CACNA1C: variants seen among roughly 807,000 people sequenced by gnomAD.
CACNA1C encodes calcium voltage-gated channel subunit alpha1 C, also known as voltage-dependent L-type calcium channel subunit alpha-1C.
Under a neutral mutation model 229.0 loss-of-function variants are expected in CACNA1C, and 30 were observed. The observed-to-expected ratio is 0.13, with a 90% CI of 0.10 to 0.18. The LOEUF (loss-of-function observed/expected upper bound fraction) is 0.18, where lower values mean the gene tolerates loss of function less well. Among genes scored for constraint, CACNA1C ranks in the 10% least tolerant of loss-of-function variants. The probability of loss-of-function intolerance (pLI) is 1.00; values close to 1 mark genes in which losing one functional copy is unlikely to be tolerated. For synonymous variants in CACNA1C, 1,114 were observed against 1,132.5 expected (o/e 0.98, Z 0.33); for missense variants, 1,658 against 2,845.0 (o/e 0.58, Z 9.49).
At chr12:2,229,892 C>T (rs1171992386) in intron 3 of CACNA1C, among the ~76,000 whole-genome samples, 1 of 152,128 alleles carries the variant, frequency 6.6e-6, no homozygotes, top group Non-Finnish European at 1.5e-5. Flanking sequence ...CGGAAGGAGG[C>T]CAGAGCCATT....
intron 9 of CACNA1C, among the ~76,000 whole-genome samples, chr12:2,534,164 G>T (rs575291396): frequency 2.0e-5 from 3 of 152,128 alleles, no homozygotes; most frequent in Non-Finnish European, 4.4e-5. Flanking sequence ...CAGGCGCACA[G>T]CTCCCAGCAA....
intron 3 of CACNA1C, among the ~76,000 whole-genome samples, chr12:2,281,985 C>T (rs2091424492): frequency 6.6e-6 from 1 of 151,780 alleles, no homozygotes; most frequent in Non-Finnish European, 1.5e-5. Context: ...TTTCTATGTC[C>T]TTCATTTTGG....
intron 1 of CACNA1C, among the ~76,000 whole-genome samples, chr12:1,979,534 A>T (rs1304758633): frequency 6.6e-6 from 1 of 150,900 alleles, no homozygotes; most frequent in Non-Finnish European, 1.5e-5. Context: ...CTCGTCTCGA[A>T]CTCCTGACCT....
intron 11 of CACNA1C, among the ~76,000 whole-genome samples, chr12:2,561,331 C>T (rs2047379553): frequency 6.6e-6 from 1 of 152,220 alleles, no homozygotes; most frequent in Admixed American, 6.5e-5. Flanking sequence ...GGTGGACCCG[C>T]CCAGCACTCA....
At chr12:2,270,738 A>G (rs975529565) in intron 3 of CACNA1C, among the ~76,000 whole-genome samples, 10 of 152,200 alleles carry the variant, frequency 6.6e-5, no homozygotes, top group African/African-American at 9.7e-5. Flanking sequence ...GTGGTCCTCA[A>G]ATGTCACCTC....
chr12:2,327,102 G>C (rs1215105846), intron 3 of CACNA1C, among the ~76,000 whole-genome samples: 1 of 152,210 alleles, frequency 6.6e-6, no homozygotes, highest in African/African-American at 2.4e-5. Context: ...GAAGCATCTG[G>C]TGTCCACAGA....
chr12:2,170,274 A>G (rs1368566466), intron 3 of CACNA1C, among the ~76,000 whole-genome samples: 1 of 152,136 alleles, frequency 6.6e-6, no homozygotes, highest in African/African-American at 2.4e-5. Flanking sequence ...TGGCTTTGGC[A>G]TGATCAGGGT....
intron 1 of CACNA1C, among the ~76,000 whole-genome samples, chr12:1,972,435 G>A (rs962293832): frequency 2.6e-5 from 4 of 152,072 alleles, no homozygotes; most frequent in African/African-American, 9.7e-5. Context: ...GCATATGGTA[G>A]TACACATGCA....
chr12:2,172,159 G>A (rs559434021), intron 3 of CACNA1C, among the ~76,000 whole-genome samples: 1 of 152,296 alleles, frequency 6.6e-6, no homozygotes, highest in African/African-American at 2.4e-5. Flanking sequence ...TAATCATTGT[G>A]TGTGGCAGTA....
Position 2,610,686 on chromosome 12 carries a change from G to C in CACNA1C, c.3704G>C (p.Cys1235Ser). 1 of 1,614,206 alleles carries C rather than the reference G, an allele frequency of 6.2e-7. No individual in the cohort carries two copies. Among genetic ancestry groups the C allele is most frequent in the Non-Finnish European group, 8.5e-7 (1 of 1,180,036 alleles). The change falls in exon 28 of 47, where the codon TGC (cysteine) becomes TCC (serine). Residue 1235 changes from cysteine to serine, a missense_variant. This residue lies in a region of CACNA1C where 67 missense variants were observed against 106.4 expected (regional missense o/e 0.63). Transcript: ENST00000399655. ...MFVLILLNTI[C>S]LAMQHYGQSC... ...GTCCTCATCCTGCTCAACACCATCTGCCTGGCCATGCAGGTCAGTCCCAGG... is the reference window on the plus strand; with the variant it reads ...GTCCTCATCCTGCTCAACACCATCTCCCTGGCCATGCAGGTCAGTCCCAGG...
At chr12:2,684,254 C>T (rs1162954435) in intron 43 of CACNA1C, among the ~76,000 whole-genome samples, 3 of 152,150 alleles carry the variant, frequency 2.0e-5, no homozygotes, top group Non-Finnish European at 2.9e-5. Context: ...TCCCAACCAG[C>T]GGCACTTGAC....
intron 3 of CACNA1C, among the ~76,000 whole-genome samples, chr12:2,191,219 C>A (rs1335392329): frequency 1.3e-5 from 2 of 152,106 alleles, no homozygotes; most frequent in Non-Finnish European, 2.9e-5. Context: ...ATGAGAAGAG[C>A]AGCAACCCAA....
chr12:2,172,708 T>A (rs1223758669), intron 3 of CACNA1C, among the ~76,000 whole-genome samples: 1 of 152,176 alleles, frequency 6.6e-6, no homozygotes, highest in East Asian at 1.9e-4. Flanking sequence ...GTGATAGGAT[T>A]AGGGAAACGG....
chr12:2,195,930 C>T (rs140396481), intron 3 of CACNA1C, among the ~76,000 whole-genome samples: 6 of 152,266 alleles, frequency 3.9e-5, no homozygotes, highest in African/African-American at 1.2e-4. Context: ...CCTGAGGCCA[C>T]GTGGTCCGAG....
Position 2,018,335 on chromosome 12 carries a change from T to G in CACNA1C, c.139+47134T>G, listed in dbSNP as rs573450804. The G allele has an allele frequency of 7.2e-5, 11 of 152,328 alleles. No homozygotes were observed. The East Asian group carries it at 2.1e-3, about 29-fold the overall frequency. 9.4% of individuals were successfully genotyped at this position (152,328 alleles called of 1,614,324 possible). ...AATTAGGAAGGAAGGAGTTTTTGAG[T>G]ATTTATTCTCTTTGTTTCTAATATA... On this transcript the variant is annotated intron_variant, in intron 1 of 46. Transcript: ENST00000682462.
intron 3 of CACNA1C, among the ~76,000 whole-genome samples, chr12:2,391,883 G>A (rs1194812846): frequency 6.6e-6 from 1 of 152,176 alleles, no homozygotes; most frequent in African/African-American, 2.4e-5. Context: ...TTCCTCAGTG[G>A]CACTGGCTGT....
intron 3 of CACNA1C, among the ~76,000 whole-genome samples, chr12:2,200,848 C>G (rs1268623748): frequency 6.6e-6 from 1 of 152,096 alleles, no homozygotes; most frequent in Non-Finnish European, 1.5e-5. Flanking sequence ...AGGAGTCAGA[C>G]AGCAAGTGCT....
intron 3 of CACNA1C, among the ~76,000 whole-genome samples, chr12:2,262,310 C>A (rs546052583): frequency 5.8e-4 from 88 of 152,356 alleles, no homozygotes; most frequent in Middle Eastern, 6.8e-3. Flanking sequence ...CTGTGGCAAG[C>A]TGCTGTGTTG....
At chr12:2,249,225 T>G (rs114073785) in intron 3 of CACNA1C, among the ~76,000 whole-genome samples, 7,895 of 152,268 alleles carry the variant, frequency 0.052, 255 homozygotes, top group Admixed American at 0.097. Context: ...TGAAGTGACG[T>G]ATACTTCACT....
Sources: gnomAD v4.1 joint callset for allele counts (sites outside exome capture counted in the v4.1 genomes callset) on GRCh38, gnomAD v4.1.1 for gene constraint, gnomAD v4.1.1 regional missense constraint, MANE v1.5 for transcripts, NCBI Gene and HGNC (gene_info 2026-07-23, HGNC 2026-07-21) for gene names.